The following ARHGDIB variants were observed in gnomAD, a reference collection of about 807,000 sequenced individuals.
The protein encoded by ARHGDIB is Rho GDP dissociation inhibitor beta.
In ARHGDIB, 20 loss-of-function variants were observed where a neutral mutation model predicts 22.6. The ratio of observed to expected loss-of-function variants is 0.88; its 90% CI spans 0.62 to 1.28. The LOEUF is 1.28. ARHGDIB is among the 50% of genes most tolerant of loss of function. ARHGDIB has a pLI of 0.00. For synonymous variants in ARHGDIB, 114 were observed against 96.1 expected, an observed-to-expected ratio of 1.19 and a Z score of -1.09; for missense variants, 254 against 245.4, an observed-to-expected ratio of 1.04 and a Z score of -0.23.
chr12:14,947,702 G>C (rs1368988573), intron 4 of ARHGDIB, 171 bp downstream of exon 4: 2 of 585,512 alleles, frequency 3.4e-6, no homozygotes, highest in Admixed American at 3.1e-5. Flanking sequence ...AGGCAAACGT[G>C]GGTCTCAACA....
intron 1 of ARHGDIB, among the ~76,000 whole-genome samples, chr12:14,959,829 G>A (rs777745809): frequency 1.4e-4 from 22 of 152,164 alleles, no homozygotes; most frequent in Non-Finnish European, 2.6e-4. Flanking sequence ...TAGTCCTCAG[G>A]TTTTGCATCT....
chr12:14,950,636 G>A lies in ARHGDIB; in HGVS notation c.77C>T (p.Pro26Leu), dbSNP rs1304986687. ...CTCTTTCAGGGACTTCTGTGGTGGA[G>A]GCTTATAATTGAGCTTGCTGTCCAG... is the stretch of plus-strand genomic sequence containing the variant. ...DELDSKLNYK[P>L]PPQKSLKELQ... The change falls in exon 2 of 6, where the codon CCT (proline) becomes CTT (leucine). Residue 26 changes from proline (P) to leucine (L), a missense_variant. Physicochemically the swap from Pro to Leu is moderately conservative, Grantham distance 98. Transcript: ENST00000228945. The A allele has an allele frequency of 1.2e-6, 2 of 1,613,998 alleles. No individual in the cohort carries two copies. Among genetic ancestry groups the A allele is most frequent in the Non-Finnish European group, 1.7e-6 (2 of 1,179,940 alleles).
chr12:14,947,587 A>G (rs895351003), intron 4 of ARHGDIB: 2 of 347,182 alleles, frequency 5.8e-6, no homozygotes, highest in African/African-American at 4.1e-5. Flanking sequence ...GTGGTACAAC[A>G]CAAAGCAGTG....
intron 1 of ARHGDIB, among the ~76,000 whole-genome samples, chr12:14,953,277 T>C (rs943951317): frequency 1.3e-5 from 2 of 152,204 alleles, no homozygotes; most frequent in Admixed American, 6.5e-5. Flanking sequence ...TTTGGTTTAA[T>C]TATAGCATAA....
intron 1 of ARHGDIB, among the ~76,000 whole-genome samples, chr12:14,951,356 T>C (rs1864172385): frequency 6.6e-6 from 1 of 152,248 alleles, no homozygotes; most frequent in Admixed American, 6.5e-5. Flanking sequence ...GGGTGGGTAC[T>C]AGGTTTGCTG....
At chr12:14,958,265 C>T (rs945474435) in intron 1 of ARHGDIB, among the ~76,000 whole-genome samples, 9 of 152,166 alleles carry the variant, frequency 5.9e-5, no homozygotes, top group African/African-American at 1.9e-4. Context: ...GGAATCCATA[C>T]TCCCCACTTT....
At chr12:14,947,740 A>G (rs1172455293) in intron 4 of ARHGDIB, 133 bp downstream of exon 4, 1 of 747,104 alleles carries the variant, frequency 1.3e-6, no homozygotes, top group Non-Finnish European at 2.2e-6. Context: ...GGAAGAGGAC[A>G]TTCCAGACCC....
intron 3 of ARHGDIB, among the ~76,000 whole-genome samples, chr12:14,949,399 C>T (rs1864112041): frequency 6.6e-6 from 1 of 152,112 alleles, no homozygotes; most frequent in Non-Finnish European, 1.5e-5. Flanking sequence ...CGGATTGCTT[C>T]TCACCTTCCA....
intron 3 of ARHGDIB, 39 bp from the exon 4 acceptor site, chr12:14,947,988 C>G (rs978798394): frequency 5.2e-6 from 8 of 1,532,700 alleles, no homozygotes; most frequent in Admixed American, 1.7e-5. Flanking sequence ...TCCTCAAAAG[C>G]AGATACACAA....
chr12:14,949,733 G>A, intron 3 of ARHGDIB, 69 bp downstream of exon 3: 2 of 1,409,674 alleles, frequency 1.4e-6, no homozygotes, highest in East Asian at 2.3e-5. Flanking sequence ...GTTGGAACAG[G>A]AGACAGAGAC....
intron 3 of ARHGDIB, among the ~76,000 whole-genome samples, chr12:14,949,111 TA>T (rs748321209): frequency 5.3e-5 from 8 of 152,028 alleles, no homozygotes; most frequent in Non-Finnish European, 1.2e-4. Context: ...TTTTTTCCAC[TA>T]AAAACTTGCC....
At chr12:14,946,108 G>A (rs1050776413) in intron 4 of ARHGDIB, among the ~76,000 whole-genome samples, 1 of 152,116 alleles carries the variant, frequency 6.6e-6, no homozygotes, top group Non-Finnish European at 1.5e-5. Flanking sequence ...ATTTGGGGTG[G>A]GTGAAATAAA....
chr12:14,944,766 G>T lies in ARHGDIB; in HGVS notation c.406+10C>A, dbSNP rs781052920. 1 of 1,612,064 alleles carries T rather than the reference G, an allele frequency of 6.2e-7. No individual in the cohort carries two copies. Among genetic ancestry groups the T allele is most frequent in the Non-Finnish European group, 8.5e-7 (1 of 1,178,896 alleles). ...AGTTTGGGACAGTGTGGAAATGTGG[G>T]TTCCCTTACCTTTCACCCCAGTCCT... On this transcript the variant is annotated intron_variant, in intron 5 of 5. Coordinates refer to ENST00000228945, the MANE Select transcript of ARHGDIB (RefSeq NM_001175.7).
chr12:14,942,277 A>C lies in ARHGDIB; in HGVS notation c.*245T>G. On this transcript the variant is annotated 3_prime_UTR_variant, in exon 6 of 6. Transcript: ENST00000228945. ...GGAAATATTAAATGATTGTGTACTG[A>C]GATGGAGACGTGGAAGATCTGGCCC... The C allele has an allele frequency of 1.9e-6, 1 of 536,848 alleles. No homozygotes were observed. Among genetic ancestry groups the C allele is most frequent in the Non-Finnish European group, 3.4e-6 (1 of 297,312 alleles). The allele number at this position is 536,848 out of a possible 1,614,324, so 33.3% of individuals were successfully genotyped here.
chr12:14,958,138 G>A (rs748024874), intron 1 of ARHGDIB, among the ~76,000 whole-genome samples: 9 of 152,142 alleles, frequency 5.9e-5, no homozygotes, highest in Non-Finnish European at 1.3e-4. Context: ...GTGCTGTGCT[G>A]CTTGCCTGGC....
At chr12:14,947,124 G>T (rs899250752) in intron 4 of ARHGDIB, among the ~76,000 whole-genome samples, 1 of 152,234 alleles carries the variant, frequency 6.6e-6, no homozygotes, top group Non-Finnish European at 1.5e-5. Flanking sequence ...GGAGACTGAG[G>T]CTAAGTGGGA....
intron 1 of ARHGDIB, among the ~76,000 whole-genome samples, chr12:14,956,806 T>G (rs1325697494): frequency 6.6e-6 from 1 of 152,218 alleles, no homozygotes; most frequent in Non-Finnish European, 1.5e-5. Flanking sequence ...GCATTAGATG[T>G]GCTGAGATGG....
rs544170735 is a variant in ARHGDIB at position 14,949,882 on chromosome 12, G to A, written c.185C>T (p.Pro62Leu). 39 of 1,612,622 alleles carry A rather than the reference G, an allele frequency of 2.4e-5. 2 individuals carry two copies. In the South Asian group the frequency reaches 3.2e-4, roughly 13 times the overall value. ...LLGDGPVVTD[P>L]KAPNVVVTRL... ...GGTGACAACGACATTGGGGGCTTTC[G>A]GATCTGCAGGATCGAAAGGGAATGT... Residue 62 changes from proline to leucine, a missense_variant, in exon 3 of 6, where the codon CCG (proline) becomes CTG (leucine). Transcript: ENST00000228945.
At position 14,942,593 on chromosome 12, in the gene ARHGDIB, T is replaced by C; in HGVS notation, c.535A>G (p.Thr179Ala). 1 of 1,614,148 alleles carries C rather than the reference T, an allele frequency of 6.2e-7. No homozygotes were observed. ...AGGTGGTCTTGCTTGTCATCGTCGG[T>C]GAAGAAGGACTTGTTGTGGTACGTG... ...RGTYHNKSFF[T>A]DDDKQDHLSW... is the part of the protein sequence containing the mutation. The change falls in exon 6 of 6, where the codon ACC (threonine) becomes GCC (alanine). Residue 179 changes from threonine (T) to alanine (A), a missense_variant. By Grantham distance (58) the Thr-to-Ala change is moderately conservative. Coordinates refer to ENST00000228945, the MANE Select transcript of ARHGDIB (RefSeq NM_001175.7).
Sources: gnomAD v4.1 joint callset for allele counts (sites outside exome capture counted in the v4.1 genomes callset) on GRCh38, gnomAD v4.1.1 for gene constraint, MANE v1.5 for transcripts, NCBI Gene and HGNC (gene_info 2026-07-23, HGNC 2026-07-21) for gene names.